Variants in RPS24 observed in about 807,000 individuals in gnomAD.
RPS24 encodes the protein small ribosomal subunit protein eS24.
For missense variants in RPS24, 100 were observed against 162.5 expected (o/e 0.62, Z 2.09); for synonymous variants, 72 against 55.6 (o/e 1.30, Z -1.31).
intron 4 of RPS24, among the ~76,000 whole-genome samples, chr10:78,052,370 C>T (rs933527933): frequency 2.0e-5 from 3 of 152,172 alleles, no homozygotes; most frequent in Middle Eastern, 3.4e-3. Flanking sequence ...TCAGGGTTCC[C>T]GAGAGACTTT....
At chr10:78,054,986 C>T in exon 5 of RPS24, 2 of 1,479,478 alleles carry the variant, frequency 1.4e-6, no homozygotes, top group Non-Finnish European at 9.0e-7. Flanking sequence ...CCCCACCTTC[C>T]TGCCTCTCTG....
intron 4 of RPS24, among the ~76,000 whole-genome samples, chr10:78,052,385 G>A (rs1848108108): frequency 6.6e-6 from 1 of 152,140 alleles, no homozygotes; most frequent in Non-Finnish European, 1.5e-5. Context: ...GACTTTGAAT[G>A]TAACAATAAT....
At chr10:78,037,559 G>C (rs991750340) in intron 4 of RPS24, 17 of 495,128 alleles carry the variant, frequency 3.4e-5, no homozygotes, top group African/African-American at 1.9e-5. Context: ...ATTGATCCCA[G>C]CTGGTGGGCA....
chr10:78,040,697 A>G lies in RPS24; in HGVS notation c.*102A>G, dbSNP rs925548236. ...AGAACATTAATAAACTAAAAACTTC[A>G]TGTGTCTGGTTGTTTGAAATGTATT... On this transcript the variant is annotated 3_prime_UTR_variant, in exon 6 of 6. Coordinates refer to ENST00000372360, the MANE Select transcript of RPS24 (RefSeq NM_033022.4). 3.1e-6 allele frequency: 5 copies of G among 1,611,596 alleles called. No homozygotes were observed. Among genetic ancestry groups the G allele is most frequent in the Admixed American group, 1.7e-5 (1 of 59,970 alleles).
At chr10:78,046,450 C>G (rs1469802690) in intron 4 of RPS24, among the ~76,000 whole-genome samples, 1 of 149,896 alleles carries the variant, frequency 6.7e-6, no homozygotes, top group Non-Finnish European at 1.5e-5. Flanking sequence ...CCTCCACCTT[C>G]TGGGTTCAAG....
chr10:78,053,124 G>C (rs906653272), intron 4 of RPS24, among the ~76,000 whole-genome samples: 2 of 151,438 alleles, frequency 1.3e-5, no homozygotes, highest in Non-Finnish European at 2.9e-5. Context: ...TTGCGCTTCA[G>C]GCTGGGCAAC....
chr10:78,036,098 G>A (rs1444105646), intron 3 of RPS24: 1 of 334,024 alleles, frequency 3.0e-6, no homozygotes, highest in Non-Finnish European at 5.8e-6. Flanking sequence ...GTTTTTGATT[G>A]TATACTGAGT....
At chr10:78,044,420 A>G (rs1283756756), downstream of RPS24, among the ~76,000 whole-genome samples, 1 of 152,334 alleles carries the variant, frequency 6.6e-6, no homozygotes, top group East Asian at 1.9e-4. Context: ...GGAAGGCCCT[A>G]CATGACTGAT....
At chr10:78,035,460 C>T in intron 2 of RPS24, 43 bp downstream of exon 2, 20 of 1,612,448 alleles carry the variant, frequency 1.2e-5, no homozygotes, top group Non-Finnish European at 1.7e-5. Context: ...GTCCTTTACT[C>T]TAAAGATGTA....
downstream of RPS24, among the ~76,000 whole-genome samples, chr10:78,044,147 A>C (rs181723953): frequency 1.3e-5 from 2 of 151,150 alleles, no homozygotes; most frequent in South Asian, 2.1e-4. Flanking sequence ...GGTTTCAGGC[A>C]TCCACTGGGG....
downstream of RPS24, among the ~76,000 whole-genome samples, chr10:78,044,546 G>A (rs553825672): frequency 6.6e-6 from 1 of 152,158 alleles, no homozygotes; most frequent in South Asian, 2.1e-4. Flanking sequence ...ATTTGTGCTG[G>A]CAGAGAGGCT....
chr10:78,051,398 G>A (rs1349318039), intron 4 of RPS24, among the ~76,000 whole-genome samples: 2 of 152,222 alleles, frequency 1.3e-5, no homozygotes, highest in African/African-American at 4.8e-5. Context: ...TCCGTGCTAT[G>A]TCCACACCGT....
chr10:78,034,063 G>T, intron 1 of RPS24, 159 bp downstream of exon 1: 1 of 895,800 alleles, frequency 1.1e-6, no homozygotes, highest in South Asian at 1.3e-5. Flanking sequence ...GCTGTTGGCA[G>T]GGCGTCCGGG....
downstream of RPS24, among the ~76,000 whole-genome samples, chr10:78,045,168 A>G (rs1848030306): frequency 6.6e-6 from 1 of 151,976 alleles, no homozygotes; most frequent in Non-Finnish European, 1.5e-5. Context: ...TGTATTTTGT[A>G]GTAGAGACGG....
chr10:78,047,509 C>G (rs973459848), intron 4 of RPS24, among the ~76,000 whole-genome samples: 10 of 152,148 alleles, frequency 6.6e-5, no homozygotes, highest in African/African-American at 2.2e-4. Context: ...GCTTTGTTGT[C>G]AAGACCGCTA....
chr10:78,043,507 C>T (rs144128642), downstream of RPS24, among the ~76,000 whole-genome samples: 33 of 152,282 alleles, frequency 2.2e-4, no homozygotes, highest in African/African-American at 7.9e-4. Context: ...GTATATAAAA[C>T]TCATGACTGC....
exon 5 of RPS24, chr10:78,055,113 A>G (rs1446330450): frequency 2.8e-6 from 4 of 1,431,974 alleles, no homozygotes; most frequent in Non-Finnish European, 3.6e-6. Context: ...TCGGAGTCAC[A>G]TGAGCTGGCA....
chr10:78,035,839 T>A, intron 3 of RPS24, 119 bp downstream of exon 3: 1 of 868,378 alleles, frequency 1.2e-6, no homozygotes, highest in Non-Finnish European at 1.9e-6. Context: ...CTGAAAGGAT[T>A]AAGAGAAAAA....
chr10:78,043,002 C>CA (rs1414550584), downstream of RPS24, among the ~76,000 whole-genome samples: 1 of 106,576 alleles, frequency 9.4e-6, no homozygotes, highest in Non-Finnish European at 2.4e-5. Flanking sequence ...CGCGCGCACA[C>CA]ACATACACAC....
Sources: gnomAD v4.1 joint callset for allele counts (sites outside exome capture counted in the v4.1 genomes callset) on GRCh38, gnomAD v4.1.1 for gene constraint, MANE v1.5 for transcripts, NCBI Gene and HGNC (gene_info 2026-07-23, HGNC 2026-07-21) for gene names.